Variants in CCDC60 observed in about 807,000 individuals in gnomAD.
CCDC60 encodes the protein coiled-coil domain containing 60.
CCDC60 carries 54 observed loss-of-function variants against 63.5 expected under a neutral mutation model. The observed-to-expected ratio is 0.85, with a 90% CI of 0.68 to 1.07. The LOEUF (loss-of-function observed/expected upper bound fraction) is 1.07, where lower values mean the gene tolerates loss of function less well. Among genes scored for constraint, CCDC60 ranks in the 50% least tolerant of loss-of-function variants. The pLI is 0.00. For synonymous variants in CCDC60, 206 were observed against 238.8 expected, an observed-to-expected ratio of 0.86 and a Z score of 1.27; for missense variants, 651 against 684.3, an observed-to-expected ratio of 0.95 and a Z score of 0.54.
chr12:119,534,517 G>T (rs1295424062), intron 13 of CCDC60, among the ~76,000 whole-genome samples: 1 of 152,112 alleles, frequency 6.6e-6, no homozygotes, highest in Non-Finnish European at 1.5e-5. Flanking sequence ...AATGCTTCCC[G>T]TTTTTGCCCA....
At chr12:119,492,420 C>T (rs544517227) in intron 5 of CCDC60, among the ~76,000 whole-genome samples, 1 of 152,226 alleles carries the variant, frequency 6.6e-6, no homozygotes, top group African/African-American at 2.4e-5. Context: ...CACCACTGTT[C>T]GGGATTCATT....
At chr12:119,418,560 G>A (rs1313078537) in intron 1 of CCDC60, among the ~76,000 whole-genome samples, 1 of 151,480 alleles carries the variant, frequency 6.6e-6, no homozygotes, top group African/African-American at 2.4e-5. Flanking sequence ...GACTACAGGT[G>A]CACGCCACCA....
chr12:119,448,211 G>C (rs1950574912), intron 2 of CCDC60, among the ~76,000 whole-genome samples: 1 of 151,978 alleles, frequency 6.6e-6, no homozygotes, highest in South Asian at 2.1e-4. Flanking sequence ...ACAGCTGATG[G>C]ATATATTAAT....
chr12:119,421,444 C>T (rs1488176750), intron 1 of CCDC60, among the ~76,000 whole-genome samples: 3 of 152,274 alleles, frequency 2.0e-5, no homozygotes, highest in Admixed American at 6.5e-5. Flanking sequence ...AGAACACAGT[C>T]GTCAATGTCA....
chr12:119,360,997 G>C (rs1029207504), intron 1 of CCDC60, among the ~76,000 whole-genome samples: 1 of 152,024 alleles, frequency 6.6e-6, no homozygotes, highest in Non-Finnish European at 1.5e-5. Flanking sequence ...CCAGTCAGGC[G>C]TGGCGGCGTG....
intron 5 of CCDC60, among the ~76,000 whole-genome samples, chr12:119,499,001 T>C (rs1341481428): frequency 6.6e-6 from 1 of 152,234 alleles, no homozygotes; most frequent in Non-Finnish European, 1.5e-5. Flanking sequence ...GACTTGAAGC[T>C]ACTTCTGGTC....
rs184956209 is a variant in CCDC60 at position 119,437,328 on chromosome 12, G to A, written c.170+8566G>A. ...CTCTCCTGTGCCCAGGGCAGACATC[G>A]CTAATGGATCACAGCACTCTTTTAT... On this transcript the variant is annotated intron_variant, in intron 2 of 13. Coordinates refer to ENST00000327554, the MANE Select transcript of CCDC60 (RefSeq NM_178499.5). Among the ~76,000 whole-genome samples the A allele has an allele frequency of 1.0e-3, 153 of 152,210 alleles. 2 individuals are homozygous for A. The East Asian group carries it at 0.02, about 19-fold the overall frequency.
intron 11 of CCDC60, among the ~76,000 whole-genome samples, chr12:119,526,445 G>A (rs1593219030): frequency 6.6e-6 from 1 of 152,312 alleles, no homozygotes; most frequent in African/African-American, 2.4e-5. Flanking sequence ...CTTCCGCCCA[G>A]CAAAAGATGC....
chr12:119,339,551 C>G (rs551693991), intron 1 of CCDC60, among the ~76,000 whole-genome samples: 4 of 151,846 alleles, frequency 2.6e-5, no homozygotes, highest in African/African-American at 7.2e-5. Context: ...TTGGGGGGGG[C>G]CGAGGCAGGA....
intron 5 of CCDC60, among the ~76,000 whole-genome samples, chr12:119,495,840 A>G (rs1357312321): frequency 6.6e-6 from 1 of 152,204 alleles, no homozygotes; most frequent in Non-Finnish European, 1.5e-5. Flanking sequence ...GATGATAAAC[A>G]TGCAATAATC....
chr12:119,386,869 A>G (rs1366252696), intron 1 of CCDC60, among the ~76,000 whole-genome samples: 1 of 152,130 alleles, frequency 6.6e-6, no homozygotes, highest in African/African-American at 2.4e-5. Flanking sequence ...TCAAATTCTT[A>G]TGGTTCCAAG....
At chr12:119,368,234 G>A in intron 1 of CCDC60, among the ~76,000 whole-genome samples, 1 of 142,818 alleles carries the variant, frequency 7.0e-6, no homozygotes, top group South Asian at 2.4e-4. Context: ...GGAGGAGGAG[G>A]AGGGGGAGGA....
chr12:119,513,976 T>C (rs1165339188), intron 7 of CCDC60, among the ~76,000 whole-genome samples: 1 of 152,172 alleles, frequency 6.6e-6, no homozygotes, highest in African/African-American at 2.4e-5. Flanking sequence ...GAAACAGCCC[T>C]AGGTAGATCC....
chr12:119,508,181 G>C (rs1475348626), intron 7 of CCDC60, among the ~76,000 whole-genome samples: 1 of 151,100 alleles, frequency 6.6e-6, no homozygotes, highest in Non-Finnish European at 1.5e-5. Context: ...TAAAAATAAA[G>C]TAATAAAGAA....
intron 1 of CCDC60, among the ~76,000 whole-genome samples, chr12:119,349,357 T>C (rs1955630964): frequency 6.7e-6 from 1 of 148,740 alleles, no homozygotes; most frequent in Non-Finnish European, 1.5e-5. Context: ...TTTTTTTTTT[T>C]TCTTCTGAGA....
At chr12:119,378,005 A>T (rs4238063) in intron 1 of CCDC60, among the ~76,000 whole-genome samples, 29,249 of 152,174 alleles carry the variant, frequency 0.19, 3,435 homozygotes, top group Non-Finnish European at 0.27. Context: ...AGGAGCTCCC[A>T]AGTGGGACTT....
chr12:119,481,403 G>T (rs145668403), intron 4 of CCDC60, among the ~76,000 whole-genome samples: 3 of 152,236 alleles, frequency 2.0e-5, no homozygotes, highest in Middle Eastern at 3.4e-3. Context: ...GTCTGGGGGT[G>T]GGGGAGAGCA....
At chr12:119,450,985 C>T (rs746857962) in intron 2 of CCDC60, among the ~76,000 whole-genome samples, 35 of 151,970 alleles carry the variant, frequency 2.3e-4, no homozygotes, top group Non-Finnish European at 5.0e-4. Flanking sequence ...AGAAAGAGGT[C>T]TGAGGCAGGG....
chr12:119,488,717 T>C (rs769493433), intron 4 of CCDC60, 42 bp from the exon 5 acceptor site: 1 of 1,562,780 alleles, frequency 6.4e-7, no homozygotes, highest in South Asian at 1.1e-5. Context: ...AGAAAGTTGT[T>C]CTAACAGGAT....
Sources: allele counts gnomAD v4.1 joint callset (sites outside exome capture counted in the v4.1 genomes callset), GRCh38; gene constraint gnomAD v4.1.1; transcripts MANE v1.5; gene names NCBI Gene and HGNC (gene_info 2026-07-23, HGNC 2026-07-21).